KAT2B: variants seen among roughly 807,000 people sequenced by gnomAD.
The protein encoded by KAT2B is histone acetyltransferase KAT2B.
A neutral mutation model predicts 105.9 loss-of-function variants in KAT2B; 36 were observed. The ratio of observed to expected loss-of-function variants is 0.34; its 90% confidence interval spans 0.26 to 0.45. KAT2B has a LOEUF of 0.45. KAT2B is among the 20% of genes least tolerant of loss of function. KAT2B has a pLI of 1.00. For missense variants in KAT2B, 820 were observed against 1,021.6 expected (o/e 0.80, Z 2.69); for synonymous variants, 397 against 377.9 (o/e 1.05, Z -0.59).
chr3:20,101,556 C>T, intron 5 of KAT2B, 88 bp downstream of exon 5: 3 of 1,000,864 alleles, frequency 3.0e-6, no homozygotes, highest in South Asian at 3.1e-5. Context: ...ATAGGGCTGC[C>T]TAGTTATCAT....
At chr3:20,123,383 G>A (rs185461242) in intron 9 of KAT2B, among the ~76,000 whole-genome samples, 1 of 152,030 alleles carries the variant, frequency 6.6e-6, no homozygotes. Flanking sequence ...TCTAATACAG[G>A]GTTGGTGAAT....
At chr3:20,100,523 C>A (rs965293973) in intron 4 of KAT2B, among the ~76,000 whole-genome samples, 1 of 152,026 alleles carries the variant, frequency 6.6e-6, no homozygotes, top group Non-Finnish European at 1.5e-5. Flanking sequence ...ACTTTTTTAG[C>A]CTTTGATTGT....
intron 13 of KAT2B, among the ~76,000 whole-genome samples, chr3:20,145,736 AT>A (rs1383892901): frequency 6.6e-6 from 1 of 152,038 alleles, no homozygotes; most frequent in African/African-American, 2.4e-5. Flanking sequence ...AAATTGCATT[AT>A]TCTTTTCTTT....
intron 1 of KAT2B, among the ~76,000 whole-genome samples, chr3:20,055,554 G>A (rs1429113054): frequency 6.6e-6 from 1 of 152,116 alleles, no homozygotes; most frequent in Non-Finnish European, 1.5e-5. Context: ...AGAGGGTGCC[G>A]TGCAAAGACT....
intron 1 of KAT2B, among the ~76,000 whole-genome samples, chr3:20,059,612 G>A (rs1360684912): frequency 6.6e-6 from 1 of 152,040 alleles, no homozygotes; most frequent in Non-Finnish European, 1.5e-5. Flanking sequence ...GGCTGAGGCA[G>A]GAGAATGGCG....
At chr3:20,044,445 A>G (rs1054996872) in intron 1 of KAT2B, among the ~76,000 whole-genome samples, 6 of 152,108 alleles carry the variant, frequency 3.9e-5, no homozygotes, top group African/African-American at 1.2e-4. Context: ...TAAATAAAAT[A>G]AAGTAGATCT....
intron 1 of KAT2B, among the ~76,000 whole-genome samples, chr3:20,069,893 A>G (rs1399012669): frequency 6.6e-6 from 1 of 152,146 alleles, no homozygotes; most frequent in Non-Finnish European, 1.5e-5. Flanking sequence ...GGTTTGCCAT[A>G]TTCTCCTATT....
chr3:20,057,021 G>T (rs1416724239), intron 1 of KAT2B, among the ~76,000 whole-genome samples: 9 of 152,182 alleles, frequency 5.9e-5, no homozygotes, highest in Non-Finnish European at 1.0e-4. Context: ...GGAAGGTTGG[G>T]AGTGGGAATG....
intron 5 of KAT2B, among the ~76,000 whole-genome samples, chr3:20,103,129 A>G (rs1328108579): frequency 6.6e-6 from 1 of 152,142 alleles, no homozygotes; most frequent in African/African-American, 2.4e-5. Flanking sequence ...TCATTTCCGT[A>G]TCTTTCATTT....
At chr3:20,104,908 A>G (rs1262559531) in intron 5 of KAT2B, among the ~76,000 whole-genome samples, 1 of 143,082 alleles carries the variant, frequency 7.0e-6, no homozygotes, top group African/African-American at 2.6e-5. Flanking sequence ...TTTTTTTGAG[A>G]TGGAGTCTCA....
At chr3:20,129,375 C>CTTT (rs537697916) in intron 11 of KAT2B, among the ~76,000 whole-genome samples, 5 of 136,256 alleles carry the variant, frequency 3.7e-5, no homozygotes, top group African/African-American at 5.4e-5. Context: ...TCTGTACTGT[C>CTTT]TTTTTTTTTT....
intron 2 of KAT2B, among the ~76,000 whole-genome samples, chr3:20,094,184 G>A (rs1349965620): frequency 6.6e-6 from 1 of 152,124 alleles, no homozygotes; most frequent in African/African-American, 2.4e-5. Context: ...GCATGGCTGG[G>A]GAGGCCTCAG....
intron 13 of KAT2B, among the ~76,000 whole-genome samples, chr3:20,143,541 C>T (rs776321993): frequency 2.0e-4 from 30 of 151,906 alleles, no homozygotes; most frequent in Admixed American, 1.4e-3. Flanking sequence ...AGCATATACC[C>T]GAAGGAAAAT....
At chr3:20,060,422 A>T (rs544637143) in intron 1 of KAT2B, among the ~76,000 whole-genome samples, 4 of 152,112 alleles carry the variant, frequency 2.6e-5, no homozygotes, top group Non-Finnish European at 5.9e-5. Flanking sequence ...ACCAACAGGG[A>T]GAAACCCTGT....
At chr3:20,099,056 C>G (rs1255668109) in intron 3 of KAT2B, among the ~76,000 whole-genome samples, 1 of 152,168 alleles carries the variant, frequency 6.6e-6, no homozygotes, top group Non-Finnish European at 1.5e-5. Flanking sequence ...ACAGAAGATT[C>G]AAGCAAAGAT....
At position 20,147,973 on chromosome 3, in the gene KAT2B, C is replaced by T; in HGVS notation, c.2130C>T (p.Gly710=). The T allele has an allele frequency of 6.2e-7, 1 of 1,613,458 alleles. No homozygotes were observed. The highest frequency in any genetic ancestry group is 8.5e-7 in the Non-Finnish European group (1 of 1,179,692). Residue 710 remains glycine (G), a synonymous_variant, in exon 15 of 18, where the codon GGC becomes GGT. Coordinates refer to ENST00000263754, the MANE Select transcript of KAT2B (RefSeq NM_003884.5). ...IESIPGIRET[G]WKPSGKEKSK... ...TTTGTTGACGTATAGGAGAGACAGG[C>T]TGGAAACCGAGTGGAAAAGAGAAAA...
At chr3:20,148,366 T>C in intron 16 of KAT2B, 37 bp from the exon 17 acceptor site, 1 of 1,610,352 alleles carries the variant, frequency 6.2e-7, no homozygotes, top group Non-Finnish European at 8.5e-7. Context: ...CACATGGAAT[T>C]TCCATATTAG....
In KAT2B at chr3:20,137,015, A is replaced by G. The variant is rs755056109; in HGVS notation, c.1823A>G (p.Tyr608Cys). 6.2e-7 allele frequency: 1 copy of G among 1,603,956 alleles called. No homozygotes were observed. The highest frequency in any genetic ancestry group is 8.5e-7 in the Non-Finnish European group (1 of 1,170,842). The change falls in exon 12 of 18, where the codon TAT becomes TGT. Residue 608 changes from tyrosine (Y) to cysteine (C), a missense_variant. Tyr to Cys is a radical substitution (Grantham distance 194). This residue lies in a region of KAT2B where 227 missense variants were observed against 292.9 expected (regional missense o/e 0.77). Transcript: ENST00000263754. Reference protein sequence around the residue: ...IKHDILNFLTYADEYAIGYFK... With the variant: ...IKHDILNFLTCADEYAIGYFK... Reference sequence around the variant, plus strand: ...CATGACATCCTGAACTTCCTCACATATGCAGATGAATATGCAATTGGATAC... The same window carrying G: ...CATGACATCCTGAACTTCCTCACATGTGCAGATGAATATGCAATTGGATAC...
At chr3:20,064,183 C>G (rs1291273153) in intron 1 of KAT2B, among the ~76,000 whole-genome samples, 1 of 152,028 alleles carries the variant, frequency 6.6e-6, no homozygotes, top group Non-Finnish European at 1.5e-5. Flanking sequence ...TTATTGTCAG[C>G]TCCTTTTGAA....
Sources: gnomAD v4.1 joint callset for allele counts (sites outside exome capture counted in the v4.1 genomes callset) on GRCh38, gnomAD v4.1.1 for gene constraint, gnomAD v4.1.1 regional missense constraint, MANE v1.5 for transcripts, NCBI Gene and HGNC (gene_info 2026-07-23, HGNC 2026-07-21) for gene names.